Variants in C4orf17 observed in about 807,000 individuals in gnomAD.
C4orf17 encodes chromosome 4 open reading frame 17.
A neutral mutation model predicts 32.0 loss-of-function variants in C4orf17; 25 were observed. The observed-to-expected ratio is 0.78, with a 90% CI of 0.57 to 1.09. The LOEUF is 1.09. Ranked by LOEUF, C4orf17 falls within the 50% of genes least tolerant of loss-of-function variation. The probability of loss-of-function intolerance (pLI) is 0.00; values close to 1 mark genes in which losing one functional copy is unlikely to be tolerated. For synonymous variants in C4orf17, 149 were observed against 145.8 expected, an observed-to-expected ratio of 1.02 and a Z score of -0.16; for missense variants, 420 against 420.0, an observed-to-expected ratio of 1.00 and a Z score of 0.00.
At chr4:99,520,071 C>T (rs1177976631) in intron 2 of C4orf17, among the ~76,000 whole-genome samples, 1 of 150,990 alleles carries the variant, frequency 6.6e-6, no homozygotes, top group Non-Finnish European at 1.5e-5. Flanking sequence ...TGGGAAAAAA[C>T]CCCAAAACCC....
At chr4:99,518,548 G>A (rs35873452) in intron 2 of C4orf17, among the ~76,000 whole-genome samples, 2 of 46,576 alleles carry the variant, frequency 4.3e-5, no homozygotes, top group South Asian at 8.7e-4. Context: ...TATATATAGA[G>A]AGAGAGAGAG....
At chr4:99,522,384 T>G in intron 2 of C4orf17, 116 bp from the exon 3 acceptor site, 1 of 812,288 alleles carries the variant, frequency 1.2e-6, no homozygotes, top group South Asian at 1.8e-5. Flanking sequence ...AAGTTCAACA[T>G]TTTACATACA....
In C4orf17 at chr4:99,542,126, G is replaced by T; in HGVS notation, c.*17G>T. The T allele has an allele frequency of 6.3e-7, 1 of 1,597,630 alleles. No individual in the cohort carries two copies. Among genetic ancestry groups the T allele is most frequent in the African/African-American group, 1.3e-5 (1 of 74,618 alleles). ...CGGAGGTAGAAGTTCTAGACTGGGT[G>T]AATTCTTTCATGAATATGAGCTTCA... On this transcript the variant is annotated 3_prime_UTR_variant, in exon 9 of 9. Transcript: ENST00000326581.
At chr4:99,530,372 T>C (rs1474153870) in intron 5 of C4orf17, among the ~76,000 whole-genome samples, 1 of 152,132 alleles carries the variant, frequency 6.6e-6, no homozygotes, top group Non-Finnish European at 1.5e-5. Context: ...TGCAAAACTA[T>C]GTCTTCAAAC....
intron 1 of C4orf17, 84 bp downstream of exon 1, chr4:99,511,356 T>G (rs1002724068): frequency 3.9e-5 from 6 of 152,126 alleles, no homozygotes; most frequent in Non-Finnish European, 8.8e-5. Flanking sequence ...CATTCTTTTT[T>G]CAAGAGTATG....
chr4:99,516,991 A>G (rs1723199154), intron 2 of C4orf17, among the ~76,000 whole-genome samples: 1 of 152,146 alleles, frequency 6.6e-6, no homozygotes, highest in Non-Finnish European at 1.5e-5. Flanking sequence ...TGGAAAGTCC[A>G]TCAGGGAGGT....
rs1723125943 is a variant in C4orf17 at position 99,513,209 on chromosome 4, G to A, written c.127+1G>A. 3 of 1,613,636 alleles carry A rather than the reference G, an allele frequency of 1.9e-6. No individual in the cohort carries two copies. The highest frequency in any genetic ancestry group is 2.2e-5 in the East Asian group (1 of 44,886). ...CCCAGAAGAGTCTGCCACATCAAAG[G>A]TAAGGTGACTTAAGGTCCTAGTATG... On this transcript the variant is annotated splice_donor_variant, in intron 2 of 8. Transcript: ENST00000326581. LOFTEE classifies it high-confidence loss of function.
intron 2 of C4orf17, among the ~76,000 whole-genome samples, chr4:99,516,699 G>A (rs961901164): frequency 3.9e-5 from 6 of 152,222 alleles, no homozygotes; most frequent in African/African-American, 1.4e-4. Flanking sequence ...TATGGGGCAT[G>A]TGGGGAGGAG....
At chr4:99,525,467 G>A (rs1001570185) in intron 4 of C4orf17, among the ~76,000 whole-genome samples, 1 of 152,072 alleles carries the variant, frequency 6.6e-6, no homozygotes, top group African/African-American at 2.4e-5. Flanking sequence ...CTTTTTATGG[G>A]AAATATATTG....
Position 99,513,090 on chromosome 4 carries a change from C to A in C4orf17, c.9C>A (p.Leu3=). 6.2e-7 allele frequency: 1 copy of A among 1,613,752 alleles called. No homozygotes were observed. Among genetic ancestry groups the A allele is most frequent in the Non-Finnish European group, 8.5e-7 (1 of 1,179,794 alleles). The change falls in exon 2 of 9, where the codon CTC becomes CTA. Residue 3 remains leucine, a synonymous_variant. Transcript: ENST00000326581. MN[L]NPPTSALQIE... ...ATAAACACACCACAAACATGAACCTCAACCCCCCGACATCTGCTCTTCAGA... is the reference window on the plus strand; with the variant it reads ...ATAAACACACCACAAACATGAACCTAAACCCCCCGACATCTGCTCTTCAGA...
chr4:99,521,607 T>C (rs1336324552), intron 2 of C4orf17, among the ~76,000 whole-genome samples: 1 of 152,162 alleles, frequency 6.6e-6, no homozygotes, highest in African/African-American at 2.4e-5. Flanking sequence ...TGATGTTATT[T>C]GAGAAGACAA....
chr4:99,537,694 T>C lies in C4orf17; in HGVS notation c.572T>C (p.Leu191Ser). Residue 191 changes from leucine (L) to serine (S), a missense_variant, in exon 6 of 9, where the codon TTG becomes TCG. Physicochemically the swap from Leu to Ser is moderately radical, Grantham distance 145. Coordinates refer to ENST00000326581, the MANE Select transcript of C4orf17 (RefSeq NM_032149.3). ...IKILAKLCSILHTDSLAEVLQ... is the reference protein window; with the variant it reads ...IKILAKLCSISHTDSLAEVLQ... ...ATCCTGGCAAAGCTCTGTAGCATTT[T>C]GCATACTGATTCTCTGGCAGAAGTT... The C allele has an allele frequency of 6.2e-7, 1 of 1,612,878 alleles. No homozygotes were observed.
At chr4:99,527,413 G>C (rs1395599149) in intron 4 of C4orf17, among the ~76,000 whole-genome samples, 2 of 152,172 alleles carry the variant, frequency 1.3e-5, no homozygotes, top group African/African-American at 4.8e-5. Flanking sequence ...ATTAGGTCAA[G>C]TTAGGTGATA....
chr4:99,537,924 T>C lies in C4orf17; in HGVS notation c.628+174T>C, dbSNP rs552799504. On this transcript the variant is annotated intron_variant, in intron 6 of 8. Coordinates refer to ENST00000326581, the MANE Select transcript of C4orf17 (RefSeq NM_032149.3). ...TGTTCTGCATATCCAGCTGCATGCA[T>C]GTGGGTCATTCAATGAACCCAAAAT... Among the ~76,000 whole-genome samples the C allele has an allele frequency of 5.3e-5, 8 of 152,330 alleles. No homozygotes were observed. The South Asian group carries it at 1.2e-3, about 24-fold the overall frequency.
intron 2 of C4orf17, among the ~76,000 whole-genome samples, chr4:99,518,109 A>G (rs948730229): frequency 2.0e-5 from 3 of 152,082 alleles, no homozygotes; most frequent in Non-Finnish European, 4.4e-5. Flanking sequence ...CTCCATGGCT[A>G]CTGTCACAGC....
At chr4:99,532,463 C>T (rs554810012) in intron 5 of C4orf17, among the ~76,000 whole-genome samples, 4 of 152,158 alleles carry the variant, frequency 2.6e-5, no homozygotes, top group East Asian at 1.9e-4. Flanking sequence ...AACCAAATAC[C>T]GCATATTCTC....
intron 8 of C4orf17, chr4:99,541,246 C>T (rs1723647201): frequency 6.6e-6 from 1 of 152,284 alleles, no homozygotes; most frequent in South Asian, 2.1e-4. Flanking sequence ...TATCTCCTAA[C>T]AGCCAATAAT....
chr4:99,527,795 G>T (rs897720768), intron 4 of C4orf17, among the ~76,000 whole-genome samples: 1 of 152,118 alleles, frequency 6.6e-6, no homozygotes, highest in Non-Finnish European at 1.5e-5. Flanking sequence ...TTGAGGGAGA[G>T]GTGTTGAAAT....
chr4:99,528,827 C>T (rs987290090), intron 4 of C4orf17, among the ~76,000 whole-genome samples: 2 of 152,086 alleles, frequency 1.3e-5, no homozygotes, highest in Non-Finnish European at 2.9e-5. Flanking sequence ...TCCACCAGAT[C>T]CTGCCCTTGA....
Sources: gnomAD v4.1 joint callset for allele counts (sites outside exome capture counted in the v4.1 genomes callset) on GRCh38, gnomAD v4.1.1 for gene constraint, MANE v1.5 for transcripts, NCBI Gene and HGNC (gene_info 2026-07-23, HGNC 2026-07-21) for gene names.